The following CLNK variants were observed in gnomAD, a reference collection of about 807,000 sequenced individuals.
CLNK encodes the protein cytokine-dependent hematopoietic cell linker.
CLNK carries 74 observed loss-of-function variants against 68.6 expected under a neutral mutation model. The ratio of observed to expected loss-of-function variants is 1.08; its 90% CI spans 0.89 to 1.31. The LOEUF (loss-of-function observed/expected upper bound fraction) is 1.31, where lower values mean the gene tolerates loss of function less well. CLNK is among the 50% of genes most tolerant of loss of function. The probability of loss-of-function intolerance (pLI) is 0.00; values close to 1 mark genes in which losing one functional copy is unlikely to be tolerated. For synonymous variants in CLNK, 198 were observed against 172.2 expected, an observed-to-expected ratio of 1.15 and a Z score of -1.17; for missense variants, 553 against 515.3, an observed-to-expected ratio of 1.07 and a Z score of -0.71.
the CLNK span, among the ~76,000 whole-genome samples, chr4:10,691,326 CCACCTTGTAT>C: frequency 6.6e-6 from 1 of 151,936 alleles, no homozygotes; most frequent in African/African-American, 2.4e-5. Context: ...TACTAAGGAC[CCACCTTGTAT>C]CACCCAGCAA....
chr4:10,723,584 G>A, the CLNK span, among the ~76,000 whole-genome samples: 7 of 152,140 alleles, frequency 4.6e-5, no homozygotes, highest in African/African-American at 1.2e-4. Flanking sequence ...GGAAATGCTG[G>A]CTCTTATGGT....
chr4:10,585,035 A>G, intron 3 of CLNK, 80 bp from the exon 4 acceptor site: 1 of 1,454,374 alleles, frequency 6.9e-7, no homozygotes, highest in Non-Finnish European at 9.6e-7. Flanking sequence ...ACAGGCAGTC[A>G]TCAAACGTCA....
the CLNK span, among the ~76,000 whole-genome samples, chr4:10,712,450 C>A: frequency 6.6e-6 from 1 of 152,016 alleles, no homozygotes; most frequent in African/African-American, 2.4e-5. Flanking sequence ...GCAAATAGGC[C>A]AAACTAACAA....
At chr4:10,679,573 C>T (rs1223183267) in intron 1 of CLNK, among the ~76,000 whole-genome samples, 3 of 152,106 alleles carry the variant, frequency 2.0e-5, no homozygotes, top group Non-Finnish European at 4.4e-5. Context: ...TCAGAGTGAA[C>T]AGGCAACCTA....
At chr4:10,653,195 T>TC (rs1723823280) in intron 2 of CLNK, among the ~76,000 whole-genome samples, 1 of 151,408 alleles carries the variant, frequency 6.6e-6, no homozygotes, top group Non-Finnish European at 1.5e-5. Flanking sequence ...TGTCAGGAGA[T>TC]GGGGGGCTAG....
At chr4:10,625,168 G>T (rs1419648762) in intron 2 of CLNK, among the ~76,000 whole-genome samples, 1 of 152,200 alleles carries the variant, frequency 6.6e-6, no homozygotes, top group African/African-American at 2.4e-5. Context: ...GTAAAGCCAT[G>T]CAGGATTTTA....
At chr4:10,513,144 C>A (rs573776457) in intron 16 of CLNK, among the ~76,000 whole-genome samples, 116 of 152,194 alleles carry the variant, frequency 7.6e-4, no homozygotes, top group South Asian at 5.0e-3. Flanking sequence ...GTTAACCCCC[C>A]ACAAGATTAT....
the CLNK span, among the ~76,000 whole-genome samples, chr4:10,716,409 T>A: frequency 6.6e-6 from 1 of 152,204 alleles, no homozygotes. Context: ...CCTACTTTTT[T>A]CCACTAAATA....
chr4:10,563,790 C>T (rs899636303), intron 7 of CLNK, among the ~76,000 whole-genome samples: 3 of 152,040 alleles, frequency 2.0e-5, no homozygotes, highest in Non-Finnish European at 4.4e-5. Context: ...ACCTGTAATC[C>T]CAGCTATTCA....
intron 15 of CLNK, among the ~76,000 whole-genome samples, chr4:10,516,288 T>A (rs779045316): frequency 6.6e-6 from 1 of 152,200 alleles, no homozygotes; most frequent in African/African-American, 2.4e-5. Context: ...AGCTTTTTAG[T>A]TGTAATTAAT....
chr4:10,712,926 A>G, the CLNK span, among the ~76,000 whole-genome samples: 1 of 152,220 alleles, frequency 6.6e-6, no homozygotes, highest in Non-Finnish European at 1.5e-5. Context: ...TAGCTCATGA[A>G]GTTAATTTCA....
the CLNK span, among the ~76,000 whole-genome samples, chr4:10,708,781 G>C: frequency 6.6e-6 from 1 of 152,158 alleles, no homozygotes; most frequent in Admixed American, 6.5e-5. Context: ...ATTAGAGGAC[G>C]TTTCATGCAT....
intron 11 of CLNK, among the ~76,000 whole-genome samples, chr4:10,538,831 G>C (rs759167082): frequency 6.6e-6 from 1 of 152,198 alleles, no homozygotes; most frequent in Non-Finnish European, 1.5e-5. Flanking sequence ...GGCAACATAG[G>C]TACCAATGGA....
chr4:10,513,440 CT>C, intron 16 of CLNK, 23 bp downstream of exon 16: 1 of 1,603,252 alleles, frequency 6.2e-7, no homozygotes, highest in Non-Finnish European at 8.5e-7. Flanking sequence ...TCTAGAAGGA[CT>C]TGGCAGAGAA....
At position 10,486,527 on chromosome 4, in the gene CLNK, G is replaced by A. The variant is rs1442948376; in HGVS notation, c.*3940C>T. ...AAATATAATGCTAATATACAATATA[G>A]GCTATCATAAAAATTTGTATTTGTG... On this transcript the variant is annotated 3_prime_UTR_variant, in exon 19 of 19. Transcript: ENST00000226951. 1.5e-5 allele frequency: 2 copies of A among 136,158 alleles called. No homozygotes were observed. The highest frequency in any genetic ancestry group is 2.2e-4 in the East Asian group (1 of 4,522). The allele number at this position is 136,158 out of a possible 1,614,324, so 8.4% of individuals were successfully genotyped here.
At chr4:10,571,553 C>T (rs561829940) in intron 5 of CLNK, among the ~76,000 whole-genome samples, 188 bp downstream of exon 5, 2 of 152,128 alleles carry the variant, frequency 1.3e-5, no homozygotes, top group African/African-American at 4.8e-5. Flanking sequence ...CCAGGTTGGT[C>T]TTGAACTCCT....
chr4:10,505,285 G>T (rs1717246861), intron 17 of CLNK, among the ~76,000 whole-genome samples: 1 of 152,160 alleles, frequency 6.6e-6, no homozygotes, highest in Admixed American at 6.5e-5. Flanking sequence ...GAACTGTGAG[G>T]GCTACTAGAG....
chr4:10,580,225 G>A (rs1720727895), intron 4 of CLNK, among the ~76,000 whole-genome samples: 1 of 152,070 alleles, frequency 6.6e-6, no homozygotes, highest in Admixed American at 6.5e-5. Context: ...TGACTCATGT[G>A]CTTCTGACGG....
At chr4:10,640,413 G>T (rs967209499) in intron 2 of CLNK, among the ~76,000 whole-genome samples, 1 of 152,166 alleles carries the variant, frequency 6.6e-6, no homozygotes, top group East Asian at 1.9e-4. Context: ...TGATCCTCCC[G>T]CATCAGTCTC....
Sources: gnomAD v4.1 joint callset for allele counts (sites outside exome capture counted in the v4.1 genomes callset) on GRCh38, gnomAD v4.1.1 for gene constraint, MANE v1.5 for transcripts, NCBI Gene and HGNC (gene_info 2026-07-23, HGNC 2026-07-21) for gene names.